SLC35F3: variants seen among roughly 807,000 people sequenced by gnomAD.
SLC35F3 encodes putative thiamine transporter SLC35F3.
A neutral mutation model predicts 49.9 loss-of-function variants in SLC35F3; 25 were observed. The ratio of observed to expected loss-of-function variants is 0.50; its 90% CI spans 0.37 to 0.70. SLC35F3 has a LOEUF of 0.70. Among genes scored for constraint, SLC35F3 ranks in the 30% least tolerant of loss-of-function variants. The probability of loss-of-function intolerance (pLI) is 0.00; values close to 1 mark genes in which losing one functional copy is unlikely to be tolerated. For synonymous variants in SLC35F3, 275 were observed against 265.4 expected (o/e 1.04, Z -0.35); for missense variants, 525 against 639.8 (o/e 0.82, Z 1.94).
intron 3 of SLC35F3, among the ~76,000 whole-genome samples, chr1:234,299,352 A>G (rs929303732): frequency 6.6e-6 from 1 of 152,236 alleles, no homozygotes; most frequent in Non-Finnish European, 1.5e-5. Context: ...GAGACCAACG[A>G]AAGTTCTATG....
intron 2 of SLC35F3, among the ~76,000 whole-genome samples, chr1:234,117,932 G>GTATCTATATATA (rs1373405963): frequency 1.9e-5 from 1 of 51,742 alleles, no homozygotes; most frequent in Admixed American, 2.3e-4. Context: ...GTGTGTGTGT[G>GTATCTATATATA]TGTGTGTGTG....
At chr1:233,980,472 C>T (rs1663165273) in intron 2 of SLC35F3, among the ~76,000 whole-genome samples, 1 of 152,204 alleles carries the variant, frequency 6.6e-6, no homozygotes, top group Admixed American at 6.5e-5. Context: ...AGCCCACATC[C>T]CTTGCAGGGA....
chr1:234,073,806 G>A (rs2102869114), intron 2 of SLC35F3, among the ~76,000 whole-genome samples: 1 of 152,192 alleles, frequency 6.6e-6, no homozygotes, highest in African/African-American at 2.4e-5. Context: ...GGTGTCCCAG[G>A]AAAAAGTCCC....
chr1:233,906,703 A>G (rs1661783558), intron 2 of SLC35F3, among the ~76,000 whole-genome samples: 1 of 152,056 alleles, frequency 6.6e-6, no homozygotes, highest in South Asian at 2.1e-4. Context: ...TTGAAACATT[A>G]TTTATTGGTC....
At chr1:233,983,107 A>C (rs1464225144) in intron 2 of SLC35F3, among the ~76,000 whole-genome samples, 5 of 152,206 alleles carry the variant, frequency 3.3e-5, no homozygotes, top group Non-Finnish European at 7.3e-5. Context: ...CTGATAAGAA[A>C]GTGCACCAAG....
At chr1:234,155,940 A>G (rs1034776722) in intron 2 of SLC35F3, among the ~76,000 whole-genome samples, 5 of 152,134 alleles carry the variant, frequency 3.3e-5, no homozygotes, top group African/African-American at 1.2e-4. Context: ...AAGCCATTAA[A>G]AATATACTGA....
intron 2 of SLC35F3, among the ~76,000 whole-genome samples, chr1:233,923,738 G>A (rs576166134): frequency 1.4e-3 from 210 of 152,288 alleles, no homozygotes; most frequent in Middle Eastern, 3.4e-3. Flanking sequence ...TTTTCAAAGG[G>A]AATGCTTCCA....
At chr1:234,147,384 A>T (rs887293624) in intron 2 of SLC35F3, among the ~76,000 whole-genome samples, 1 of 151,972 alleles carries the variant, frequency 6.6e-6, no homozygotes, top group Admixed American at 6.6e-5. Context: ...TTATTGTATC[A>T]TATGTAATAT....
chr1:234,164,001 C>T (rs1666272218), intron 2 of SLC35F3, among the ~76,000 whole-genome samples: 1 of 138,202 alleles, frequency 7.2e-6, no homozygotes, highest in African/African-American at 3.6e-5. Flanking sequence ...TATCTCCTTC[C>T]TAATGCAAAA....
Position 233,905,142 on chromosome 1 carries a change from C to T in SLC35F3, c.53+12C>T. On this transcript the variant is annotated intron_variant, in intron 1 of 7. Transcript: ENST00000366618. The stretch of plus-strand genomic sequence containing the variant: ...AAGAGCATTGCCGTGTGAGTAGCGC[C>T]CCGGGCGTGGGTGAGCGAGCCGGCG... 6.4e-7 allele frequency: 1 copy of T among 1,553,060 alleles called. No homozygotes were observed. Among genetic ancestry groups the T allele is most frequent in the East Asian group, 2.4e-5 (1 of 41,414 alleles).
intron 3 of SLC35F3, among the ~76,000 whole-genome samples, chr1:234,304,010 C>A (rs1668732647): frequency 1.7e-5 from 1 of 57,624 alleles, no homozygotes; most frequent in South Asian, 6.6e-4. Context: ...TCCTTCCTTC[C>A]TTCCTTCCTT....
chr1:234,018,402 G>GT (rs1295367946), intron 2 of SLC35F3, among the ~76,000 whole-genome samples: 1 of 152,208 alleles, frequency 6.6e-6, no homozygotes, highest in Non-Finnish European at 1.5e-5. Flanking sequence ...ACAGGAAACA[G>GT]TAGGGGAAGA....
chr1:234,182,399 T>C (rs746922656), intron 2 of SLC35F3, among the ~76,000 whole-genome samples: 1 of 152,236 alleles, frequency 6.6e-6, no homozygotes, highest in African/African-American at 2.4e-5. Context: ...GAGCCCTGTG[T>C]CTTTCAGTAA....
chr1:234,242,687 A>G (rs1395942717), intron 3 of SLC35F3, among the ~76,000 whole-genome samples: 1 of 152,238 alleles, frequency 6.6e-6, no homozygotes, highest in Non-Finnish European at 1.5e-5. Context: ...AGAGAAAACA[A>G]AGATGATTTA....
At chr1:234,123,576 A>T (rs1231021970) in intron 2 of SLC35F3, among the ~76,000 whole-genome samples, 2 of 146,616 alleles carry the variant, frequency 1.4e-5, no homozygotes, top group Non-Finnish European at 3.0e-5. Context: ...TGCCTGGTTA[A>T]TTTTTTTTTT....
intron 2 of SLC35F3, among the ~76,000 whole-genome samples, chr1:234,133,983 T>C (rs1429422465): frequency 6.6e-6 from 1 of 152,166 alleles, no homozygotes. Flanking sequence ...CTGATTAGTA[T>C]ATGATAAATG....
chr1:234,284,387 G>A (rs1048209039), intron 3 of SLC35F3, among the ~76,000 whole-genome samples: 1 of 152,150 alleles, frequency 6.6e-6, no homozygotes, highest in Non-Finnish European at 1.5e-5. Context: ...CACATAGCAC[G>A]TGGCTGCCCC....
intron 2 of SLC35F3, among the ~76,000 whole-genome samples, chr1:234,105,002 C>A (rs1229900197): frequency 6.6e-6 from 1 of 151,964 alleles, no homozygotes; most frequent in East Asian, 1.9e-4. Flanking sequence ...GTGGCGGGCA[C>A]CTGTAGTCCC....
chr1:234,090,536 G>C lies in SLC35F3; in HGVS notation c.284-140881G>C, dbSNP rs138654981. On this transcript the variant is annotated intron_variant, in intron 2 of 7. Transcript: ENST00000366618. ...GTACTTATAGGAAAGTAGGCAGCATGGTCTAAAGTATGGGGAAAGTTAACT... is the reference window on the plus strand; with the variant it reads ...GTACTTATAGGAAAGTAGGCAGCATCGTCTAAAGTATGGGGAAAGTTAACT... Among the ~76,000 whole-genome samples the C allele has an allele frequency of 6.5e-3, 984 of 152,330 alleles. 44 individuals are homozygous for C. Among genetic ancestry groups the C allele is most frequent in the Admixed American group, 0.046 (702 of 15,306 alleles).
Sources: allele counts gnomAD v4.1 joint callset (sites outside exome capture counted in the v4.1 genomes callset), GRCh38; gene constraint gnomAD v4.1.1; transcripts MANE v1.5; gene names NCBI Gene and HGNC (gene_info 2026-07-23, HGNC 2026-07-21).